Variants in TTN observed in about 807,000 individuals in gnomAD.
TTN encodes connectin.
A neutral mutation model predicts 3,223.0 loss-of-function variants in TTN; 1,525 were observed. The ratio of observed to expected loss-of-function variants is 0.47; its 90% CI spans 0.45 to 0.49. The LOEUF (loss-of-function observed/expected upper bound fraction) is 0.49, where lower values mean the gene tolerates loss of function less well. TTN is among the 20% of genes least tolerant of loss of function. The pLI, the probability that TTN is intolerant of heterozygous loss-of-function variation, is 0.00. For synonymous variants in TTN, 14,094 were observed against 15,161.0 expected, an observed-to-expected ratio of 0.93 and a Z score of 5.17; for missense variants, 40,786 against 43,424.0, an observed-to-expected ratio of 0.94 and a Z score of 5.40.
chr2:178,684,528 AC>A, intron 131 of TTN, 115 bp from the exon 132 acceptor site: 1 of 1,361,862 alleles, frequency 7.3e-7, no homozygotes. Context: ...ACACACAAAA[AC>A]ATCACAAGTA....
At chr2:178,805,999 T>G (rs1408199081) in intron 1 of TTN, among the ~76,000 whole-genome samples, 1 of 152,224 alleles carries the variant, frequency 6.6e-6, no homozygotes, top group Non-Finnish European at 1.5e-5. Context: ...AAATAGAACA[T>G]TTCTGAATTG....
At position 178,530,258 on chromosome 2, in the gene TTN, A is replaced by G; in HGVS notation, c.106357T>C (p.Trp35453Arg). 1 of 1,603,740 alleles carries G rather than the reference A, an allele frequency of 6.2e-7. No homozygotes were observed. The highest frequency in any genetic ancestry group is 8.5e-7 in the Non-Finnish European group (1 of 1,174,242). Residue 35453 changes from tryptophan to arginine, a missense_variant, in exon 358 of 363, where the codon TGG (tryptophan) becomes CGG (arginine). Physicochemically the swap from Trp to Arg is moderately radical, Grantham distance 101. Coordinates refer to ENST00000589042, the MANE Select transcript of TTN (RefSeq NM_001267550.2). ...CTGGTTACCTTTCCATCTTTTGTCC[A>G]GATGGCAGTTGGCCGGGGTTCTCCA... The part of the protein sequence containing the change: ...ATGEPRPTAI[W>R]TKDGKAITQG...
At chr2:178,624,392 G>T (rs774409038) in intron 242 of TTN, 73 bp downstream of exon 242, 1 of 1,590,920 alleles carries the variant, frequency 6.3e-7, no homozygotes, top group African/African-American at 1.4e-5. Context: ...CATGCAAAAA[G>T]TGTTGTGTTG....
chr2:178,724,559 C>A, intron 71 of TTN, 21 bp from the exon 72 acceptor site: 1 of 1,556,408 alleles, frequency 6.4e-7, no homozygotes, highest in South Asian at 1.2e-5. Flanking sequence ...ACGTGATATC[C>A]ATCTGTCAAA....
rs138042430 is a variant in TTN, at chr2:178,734,628, G to C, written c.15218-22C>G. ...GGTTCTACAAAAGCATGAAAGCATT[G>C]TGTAAGTAATGGGTAATAAGTAATT... On this transcript the variant is annotated intron_variant, in intron 51 of 362. Transcript: ENST00000589042. 3,276 of 1,561,084 alleles carry C rather than the reference G, an allele frequency of 2.1e-3. 50 individuals are homozygous for C. The South Asian group carries it at 0.021, about 10-fold the overall frequency.
rs1169803505 is a variant in TTN at position 178,613,061 on chromosome 2, G to C, written c.49660C>G (p.Pro16554Ala). The C allele has an allele frequency of 2.5e-6, 4 of 1,612,372 alleles. No individual in the cohort carries two copies. The highest frequency in any genetic ancestry group is 3.4e-6 in the Non-Finnish European group (4 of 1,179,174). ...LIKDPIDPPW[P>A]PGKPTVKDVG... Reference sequence around the variant, plus strand: ...TCTTTTACAGTTGGTTTTCCAGGGGGCCATGGAGGATCTGCAAGCCAATGA... The same window carrying C: ...TCTTTTACAGTTGGTTTTCCAGGGGCCCATGGAGGATCTGCAAGCCAATGA... Residue 16554 changes from proline to alanine, a missense_variant, in exon 265 of 363, where the codon CCC becomes GCC. Transcript: ENST00000589042.
rs984360776 is a variant in TTN at position 178,550,025 on chromosome 2, A to T, written c.91813T>A (p.Ser30605Thr). Residue 30605 changes from serine (S) to threonine (T), a missense_variant, in exon 337 of 363, where the codon TCT becomes ACT. Ser to Thr is a moderately conservative substitution (Grantham distance 58, BLOSUM62 1). Transcript: ENST00000589042. ...GVYTVEAKNA[S>T]GSAKAEIKVK... ...TTAATTTCTGCTTTTGCAGAACCAG[A>T]TGCATTTTTGGCTTCCACTGTGTAT... The T allele has an allele frequency of 5.9e-5, 95 of 1,611,146 alleles. No individual in the cohort carries two copies. The highest frequency in any genetic ancestry group is 7.4e-5 in the Non-Finnish European group (87 of 1,177,850).
chr2:178,565,737 G>A lies in TTN; in HGVS notation c.80395C>T (p.Leu26799Phe), dbSNP rs781537985. The change falls in exon 326 of 363, where the codon CTT (leucine) becomes TTT (phenylalanine). Residue 26799 changes from leucine to phenylalanine, a missense_variant. By Grantham distance (22) the Leu-to-Phe change is conservative. Transcript: ENST00000589042. ...TCATGTTCAGGTTTCTCCCACATAAGTGATGCACTGGTCTGGGACACATCA... is the reference window on the plus strand; with the variant it reads ...TCATGTTCAGGTTTCTCCCACATAAATGATGCACTGGTCTGGGACACATCA... ...LTDVSQTSAS[L>F]MWEKPEHDGG... 1 of 1,613,552 alleles carries A rather than the reference G, an allele frequency of 6.2e-7. No homozygotes were observed. Among genetic ancestry groups the A allele is most frequent in the Non-Finnish European group, 8.5e-7 (1 of 1,179,616 alleles).
At position 178,533,344 on chromosome 2, in the gene TTN, C is replaced by G. The variant is rs972117588; in HGVS notation, c.103271G>C (p.Arg34424Thr). Reference protein sequence around the residue: ...EGLDYYALHIRDTLPEDTGYY... With the variant: ...EGLDYYALHITDTLPEDTGYY... ...ACCCGTGTCTTCAGGCAAAGTGTCC[C>G]TGATGTGCAGAGCATAATAATCCAA... The change falls in exon 358 of 363, where the codon AGG becomes ACG. Residue 34424 changes from arginine to threonine, a missense_variant. By Grantham distance (71) the Arg-to-Thr change is moderately conservative (BLOSUM62 -1). Transcript: ENST00000589042. The G allele has an allele frequency of 1.9e-6, 3 of 1,613,680 alleles. No individual in the cohort carries two copies. Among genetic ancestry groups the G allele is most frequent in the Non-Finnish European group, 8.5e-7 (1 of 1,179,868 alleles).
At position 178,782,339 on chromosome 2, in the gene TTN, T is replaced by C. The variant is rs2092854519; in HGVS notation, c.3253A>G (p.Ile1085Val). ...GPGEPAAPYF[I>V]TKPVVQKLVE... ...AGTTTCTGGACCACTGGTTTTGTAA[T>C]AAAGTAAGGCGCGGCAGGTTCTCCA... The change falls in exon 20 of 363, where the codon ATT (isoleucine) becomes GTT (valine). Residue 1085 changes from isoleucine to valine, a missense_variant. Physicochemically the swap from Ile to Val is conservative, Grantham distance 29. Coordinates refer to ENST00000589042, the MANE Select transcript of TTN (RefSeq NM_001267550.2). 4.3e-6 allele frequency: 7 copies of C among 1,613,984 alleles called. No individual in the cohort carries two copies. Among genetic ancestry groups the C allele is most frequent in the Admixed American group, 1.7e-5 (1 of 59,992 alleles).
At position 178,576,959 on chromosome 2, in the gene TTN, C is replaced by G. The variant is rs756671149; in HGVS notation, c.69376G>C (p.Val23126Leu). The G allele has an allele frequency of 9.9e-6, 16 of 1,613,292 alleles. No homozygotes were observed. The Admixed American group carries it at 1.5e-4, about 15-fold the overall frequency. Residue 23126 changes from valine (V) to leucine (L), a missense_variant, in exon 324 of 363, where the codon GTA (valine) becomes CTA (leucine). Physicochemically the swap from Val to Leu is conservative, Grantham distance 32 (BLOSUM62 1). Coordinates refer to ENST00000589042, the MANE Select transcript of TTN (RefSeq NM_001267550.2). The surrounding 1 kb of genome is among the most constrained non-coding windows in gnomAD (Gnocchi z 4.3). ...AVNHYGKGEP[V>L]QSEPVKMVDR... ...ACCATTTTGACAGGTTCAGACTGTA[C>G]AGGTTCTCCTTTGCCATAGTGGTTT...
rs766310887 is a variant in TTN at position 178,720,375 on chromosome 2, G to T, written c.23377+10C>A. 1 of 1,604,526 alleles carries T rather than the reference G, an allele frequency of 6.2e-7. No individual in the cohort carries two copies. Among genetic ancestry groups the T allele is most frequent in the East Asian group, 2.2e-5 (1 of 44,748 alleles). ...AAGGGGCATATATTTTTGTGTCCAT[G>T]TATACAAACCTTTGAACTTGACAGA... On this transcript the variant is annotated intron_variant, in intron 80 of 362. Coordinates refer to ENST00000589042, the MANE Select transcript of TTN (RefSeq NM_001267550.2).
rs2092264988 is a variant in TTN at position 178,776,724 on chromosome 2, G to A, written c.5140C>T (p.Leu1714Phe). Residue 1714 changes from leucine (L) to phenylalanine (F), a missense_variant, in exon 28 of 363, where the codon CTT becomes TTT. Transcript: ENST00000589042. ...FFKKKLTSLR[L>F]KRFGPAHFEC... ...AAGTGGGCAGGCCCAAAGCGCTTAAGTCTTAAGGAAGTGAGTTTTTTCTTG... is the reference window on the plus strand; with the variant it reads ...AAGTGGGCAGGCCCAAAGCGCTTAAATCTTAAGGAAGTGAGTTTTTTCTTG... 2 of 1,613,996 alleles carry A rather than the reference G, an allele frequency of 1.2e-6. No individual in the cohort carries two copies. Among genetic ancestry groups the A allele is most frequent in the African/African-American group, 1.3e-5 (1 of 74,924 alleles).
chr2:178,664,415 C>T (rs745597465), intron 168 of TTN, 45 bp downstream of exon 168: 10 of 1,433,910 alleles, frequency 7.0e-6, no homozygotes, highest in South Asian at 3.7e-5. Context: ...TCCTTTCTAT[C>T]GCCCCACCCA....
In TTN at chr2:178,564,780, A is replaced by C. The variant is rs1293763784; in HGVS notation, c.81352T>G (p.Leu27118Val). ...GGGGTCTTATTTAACTTGACCCATA[A>C]AATACTGTTCTTTTCTTTCTGTTCA... ...HLEQKEKNSI[L>V]WVKLNKTPIQ... The change falls in exon 326 of 363, where the codon TTA (leucine) becomes GTA (valine). Residue 27118 changes from leucine to valine, a missense_variant. Transcript: ENST00000589042. 1 of 1,612,246 alleles carries C rather than the reference A, an allele frequency of 6.2e-7. No individual in the cohort carries two copies. The highest frequency in any genetic ancestry group is 2.2e-5 in the East Asian group (1 of 44,656).
intron 18 of TTN, 49 bp downstream of exon 18, chr2:178,782,757 A>G (rs1281099017): frequency 6.2e-7 from 1 of 1,611,790 alleles, no homozygotes; most frequent in Non-Finnish European, 8.5e-7. Flanking sequence ...AGAGTGTCAG[A>G]TGAAAGTGAT....
chr2:178,720,032 G>A lies in TTN; in HGVS notation c.23610C>T (p.Ile7870=). 6.2e-7 allele frequency: 1 copy of A among 1,613,148 alleles called. No homozygotes were observed. The highest frequency in any genetic ancestry group is 8.5e-7 in the Non-Finnish European group (1 of 1,179,418). ...ASNSGKYICQ[I]KNDAGMRECS... is the part of the protein sequence containing the mutation. ...ATTCTCTCATTCCAGCATCGTTTTT[G>A]ATTTGGCATATATATTTTCCAGAAT... Residue 7870 remains isoleucine (I), a synonymous_variant, in exon 81 of 363, where the codon ATC becomes ATT. Coordinates refer to ENST00000589042, the MANE Select transcript of TTN (RefSeq NM_001267550.2).
In TTN at chr2:178,568,550, T is replaced by G. The variant is rs769029689; in HGVS notation, c.77582A>C (p.His25861Pro). The G allele has an allele frequency of 6.2e-7, 1 of 1,613,396 alleles. No homozygotes were observed. The highest frequency in any genetic ancestry group is 8.5e-7 in the Non-Finnish European group (1 of 1,179,494). The change falls in exon 326 of 363, where the codon CAT (histidine) becomes CCT (proline). Residue 25861 changes from histidine to proline, a missense_variant. Coordinates refer to ENST00000589042, the MANE Select transcript of TTN (RefSeq NM_001267550.2). ...TCCATATTGTCCACCATCATCCTTA[T>G]GAGTTTCTTTAATACTGAGTGTGGT... is the stretch of plus-strand genomic sequence containing the variant. The part of the protein sequence containing the change: ...DLTTLSIKET[H>P]KDDGGQYGIT...
Position 178,565,202 on chromosome 2 carries a change from A to C in TTN, c.80930T>G (p.Val26977Gly), listed in dbSNP as rs774769114. Reference sequence around the variant, plus strand: ...AACTTCATCAAACCGAACTGGGCCAACTGGAGGTCCAGGCTTTTCTAAAAC... The same window carrying C: ...AACTTCATCAAACCGAACTGGGCCACCTGGAGGTCCAGGCTTTTCTAAAAC... ...VIVLEKPGPPVGPVRFDEVSA... is the reference protein window; with the variant it reads ...VIVLEKPGPPGGPVRFDEVSA... Residue 26977 changes from valine to glycine, a missense_variant, in exon 326 of 363, where the codon GTT becomes GGT. Coordinates refer to ENST00000589042, the MANE Select transcript of TTN (RefSeq NM_001267550.2). The C allele has an allele frequency of 2.5e-6, 4 of 1,613,448 alleles. No individual in the cohort carries two copies. The highest frequency in any genetic ancestry group is 1.7e-5 in the Admixed American group (1 of 59,956).
Sources: gnomAD v4.1 joint callset for allele counts (sites outside exome capture counted in the v4.1 genomes callset) on GRCh38, gnomAD v4.1.1 for gene constraint, Gnocchi (gnomAD v3.1) non-coding constraint, MANE v1.5 for transcripts, NCBI Gene and HGNC (gene_info 2026-07-23, HGNC 2026-07-21) for gene names.